The following MRPL21 variants were observed in gnomAD, a reference collection of about 807,000 sequenced individuals.
MRPL21 encodes mitochondrial ribosomal protein L21, also known as large ribosomal subunit protein bL21m.
Under a neutral mutation model 27.3 loss-of-function variants are expected in MRPL21, and 20 were observed. That is an observed-to-expected ratio of 0.73 (90% CI 0.52 to 1.06). MRPL21 has a LOEUF of 1.06. Among genes scored for constraint, MRPL21 ranks in the 50% least tolerant of loss-of-function variants. MRPL21 has a pLI of 0.00. For missense variants in MRPL21, 249 were observed against 251.4 expected (o/e 0.99, Z 0.06); for synonymous variants, 98 against 101.5 (o/e 0.97, Z 0.21).
chr11:68,898,164 C>T (rs1214077724), intron 2 of MRPL21, 152 bp from the exon 3 acceptor site: 5 of 658,134 alleles, frequency 7.6e-6, no homozygotes, highest in South Asian at 3.6e-5. Flanking sequence ...GGGGTAACCC[C>T]GAGGACAGGC....
At chr11:68,893,791 C>T (rs772500490) in intron 4 of MRPL21, among the ~76,000 whole-genome samples, 21 of 152,082 alleles carry the variant, frequency 1.4e-4, no homozygotes, top group African/African-American at 4.1e-4. Context: ...TTTCTATCTC[C>T]GGCCAGGTGC....
intron 6 of MRPL21, chr11:68,892,072 A>T: frequency 7.7e-7 from 1 of 1,295,252 alleles, no homozygotes; most frequent in Non-Finnish European, 1.0e-6. Context: ...GGAGAAGGGG[A>T]GCGAGGTGGG....
chr11:68,893,990 C>T (rs1228875533), intron 4 of MRPL21, among the ~76,000 whole-genome samples: 1 of 152,134 alleles, frequency 6.6e-6, no homozygotes, highest in African/African-American at 2.4e-5. Context: ...TGCACCACTG[C>T]ACTCCAGCCT....
intron 2 of MRPL21, among the ~76,000 whole-genome samples, chr11:68,898,387 G>C (rs984878122): frequency 1.3e-5 from 2 of 152,214 alleles, no homozygotes; most frequent in Admixed American, 6.5e-5. Context: ...AGGACACAGG[G>C]CCAGCAGCTC....
chr11:68,897,934 G>C lies in MRPL21; in HGVS notation c.225C>G (p.His75Gln), dbSNP rs1341918165. ...CTCCCAGGGAGGTCTTACCTGCATG[G>C]TGTCTGGTCTCCTCAACTGGGTCTG... ...VLPDPVEETRHHAEVVKKVNE... is the reference protein window; with the variant it reads ...VLPDPVEETRQHAEVVKKVNE... Residue 75 changes from histidine to glutamine, a missense_variant, in exon 3 of 7, where the codon CAC becomes CAG. His to Gln is a conservative substitution (Grantham distance 24). Coordinates refer to ENST00000362034, the MANE Select transcript of MRPL21 (RefSeq NM_181514.2). 2 of 1,613,964 alleles carry C rather than the reference G, an allele frequency of 1.2e-6. No individual in the cohort carries two copies. The highest frequency in any genetic ancestry group is 1.7e-6 in the Non-Finnish European group (2 of 1,179,836).
chr11:68,898,786 G>A (rs570696232), intron 2 of MRPL21, among the ~76,000 whole-genome samples: 10 of 152,234 alleles, frequency 6.6e-5, no homozygotes, highest in African/African-American at 1.9e-4. Context: ...AGCTTGGTGC[G>A]GGCAATGCCT....
intron 2 of MRPL21, among the ~76,000 whole-genome samples, chr11:68,898,674 T>TC (rs1210101536): frequency 6.6e-6 from 1 of 152,214 alleles, no homozygotes; most frequent in Non-Finnish European, 1.5e-5. Flanking sequence ...TCACAGCCGG[T>TC]CCCAGCATGG....
intron 2 of MRPL21, among the ~76,000 whole-genome samples, chr11:68,900,103 G>A (rs1857898031): frequency 6.6e-6 from 1 of 152,200 alleles, no homozygotes; most frequent in Non-Finnish European, 1.5e-5. Flanking sequence ...GTTTTCTCAA[G>A]TATAAAATTT....
intron 3 of MRPL21, 140 bp from the exon 4 acceptor site, chr11:68,896,818 G>T: frequency 2.7e-6 from 3 of 1,100,396 alleles, no homozygotes; most frequent in Non-Finnish European, 3.9e-6. Context: ...ACTGCTGGCG[G>T]CCCAGCCCCT....
At chr11:68,899,988 C>T (rs900211279) in intron 2 of MRPL21, among the ~76,000 whole-genome samples, 1 of 152,176 alleles carries the variant, frequency 6.6e-6, no homozygotes, top group African/African-American at 2.4e-5. Context: ...AACTGCACCC[C>T]GGGGGGGTCC....
intron 5 of MRPL21, 152 bp from the exon 6 acceptor site, chr11:68,893,145 G>A: frequency 1.5e-6 from 2 of 1,324,124 alleles, no homozygotes; most frequent in South Asian, 3.2e-5. Flanking sequence ...CCACGAAAAA[G>A]GACCACAAAG....
chr11:68,896,320 C>A (rs1450467828), intron 4 of MRPL21, 195 bp downstream of exon 4: 5 of 659,172 alleles, frequency 7.6e-6, no homozygotes, highest in African/African-American at 1.8e-5. Context: ...GCCCTCAGAG[C>A]AGTGGAAGCC....
At chr11:68,902,014 AC>A (rs1211566399) in intron 1 of MRPL21, among the ~76,000 whole-genome samples, 3 of 152,288 alleles carry the variant, frequency 2.0e-5, no homozygotes, top group African/African-American at 7.2e-5. Context: ...AGGCTTCTGT[AC>A]CTAATTTGCT....
intron 6 of MRPL21, chr11:68,891,773 G>A: frequency 2.1e-6 from 1 of 486,888 alleles, no homozygotes; most frequent in Non-Finnish European, 3.6e-6. Context: ...TGACTCTAAG[G>A]TGACAGCCAA....
chr11:68,891,711 T>C (rs1421438876), intron 6 of MRPL21: 9 of 536,834 alleles, frequency 1.7e-5, no homozygotes, highest in African/African-American at 9.4e-5. Flanking sequence ...CTGAGTGACC[T>C]TGAGGCTACC....
chr11:68,893,082 T>A, intron 5 of MRPL21, 89 bp from the exon 6 acceptor site: 1 of 1,418,258 alleles, frequency 7.1e-7, no homozygotes, highest in African/African-American at 1.4e-5. Flanking sequence ...AGTTATACTT[T>A]CTCTTTTGTT....
Position 68,896,569 on chromosome 11 carries a change from G to C in MRPL21, c.342C>G (p.Ile114Met), listed in dbSNP as rs578139438. 97 of 1,614,214 alleles carry C rather than the reference G, an allele frequency of 6.0e-5. No homozygotes were observed. In the South Asian group the frequency reaches 1.0e-3, roughly 17 times the overall value. Residue 114 changes from isoleucine (I) to methionine (M), a missense_variant, in exon 4 of 7, where the codon ATC (isoleucine) becomes ATG (methionine). Transcript: ENST00000362034. ...CAAGGTCTAGTTCATTTCCAATTAA[G>C]ATCAGGTCTTCAGAGGTCACCTTCC... ...RQWKVTSEDL[I>M]LIGNELDLAC...
intron 4 of MRPL21, 121 bp from the exon 5 acceptor site, chr11:68,893,576 T>C: frequency 7.7e-7 from 1 of 1,302,240 alleles, no homozygotes; most frequent in South Asian, 1.3e-5. Context: ...CATTGTGACA[T>C]GAATTTCATC....
At chr11:68,891,465 G>T in intron 6 of MRPL21, 70 bp from the exon 7 acceptor site, 1 of 1,503,534 alleles carries the variant, frequency 6.7e-7, no homozygotes, top group African/African-American at 1.4e-5. Context: ...CAGGGGCTCT[G>T]CACACAGCCC....
Sources: gnomAD v4.1 joint callset for allele counts (sites outside exome capture counted in the v4.1 genomes callset) on GRCh38, gnomAD v4.1.1 for gene constraint, MANE v1.5 for transcripts, NCBI Gene and HGNC (gene_info 2026-07-23, HGNC 2026-07-21) for gene names.